Variants in TMEM132C observed in about 807,000 individuals in gnomAD.
TMEM132C encodes the protein protein phosphatase 1, regulatory subunit 152.
In TMEM132C, 29 loss-of-function variants were observed where a neutral mutation model predicts 61.4. The ratio of observed to expected loss-of-function variants is 0.47; its 90% CI spans 0.35 to 0.64. The LOEUF (loss-of-function observed/expected upper bound fraction) is 0.64. Among genes scored for constraint, TMEM132C ranks in the 30% least tolerant of loss-of-function variants. TMEM132C has a pLI of 0.00. For missense variants in TMEM132C, 1,408 were observed against 1,476.9 expected (o/e 0.95, Z 0.76); for synonymous variants, 656 against 633.1 (o/e 1.04, Z -0.54).
At chr12:128,456,366 C>CTCTTTTTTTTTTTTTTTTTTTTT in intron 2 of TMEM132C, among the ~76,000 whole-genome samples, 1 of 52,498 alleles carries the variant, frequency 1.9e-5, no homozygotes, top group East Asian at 6.1e-4. Context: ...TCTGATTAGC[C>CTCTTTTTTTTTTTTTTTTTTTTT]TTTTTTTTTT....
Position 128,624,529 on chromosome 12 carries a change from G to A in TMEM132C, c.1305+8194G>A, listed in dbSNP as rs568769841. Among the ~76,000 whole-genome samples the A allele has an allele frequency of 6.1e-5, 8 of 132,044 alleles. No homozygotes were observed. The East Asian group carries it at 1.9e-3, about 31-fold the overall frequency. 86.6% of individuals were successfully genotyped at this position (132,044 alleles called of 152,430 possible). A position where few individuals can be genotyped will look rare whatever the true frequency, so the allele number is the denominator to read the frequency against. On this transcript the variant is annotated intron_variant, in intron 4 of 8. Coordinates refer to ENST00000435159, the MANE Select transcript of TMEM132C (RefSeq NM_001136103.3). ...ATTGCACTCCAACCTGGGTGATAGA[G>A]TGAGACTCCATCTCAAAAAAAAAAA...
At chr12:128,494,401 A>C (rs376242625) in intron 2 of TMEM132C, among the ~76,000 whole-genome samples, 1 of 152,102 alleles carries the variant, frequency 6.6e-6, no homozygotes, top group Non-Finnish European at 1.5e-5. Flanking sequence ...TCTATTGATT[A>C]GAATAGTTTC....
At chr12:128,390,334 G>A (rs73436680) in intron 1 of TMEM132C, among the ~76,000 whole-genome samples, 13,098 of 152,214 alleles carry the variant, frequency 0.086, 1,814 homozygotes, top group African/African-American at 0.29. Flanking sequence ...TGGCAGCTCC[G>A]GAGGCAAATG....
intron 2 of TMEM132C, among the ~76,000 whole-genome samples, chr12:128,510,695 GA>G (rs1872539384): frequency 6.6e-6 from 1 of 152,210 alleles, no homozygotes; most frequent in East Asian, 1.9e-4. Flanking sequence ...AGTTACCAGA[GA>G]GGAAATAAGC....
At chr12:128,648,571 A>G (rs539673990) in intron 4 of TMEM132C, among the ~76,000 whole-genome samples, 2 of 147,880 alleles carry the variant, frequency 1.4e-5, no homozygotes, top group East Asian at 4.1e-4. Context: ...TGTTTACTGG[A>G]GTCCATCAGC....
chr12:128,524,385 C>G (rs1382808704), intron 2 of TMEM132C, among the ~76,000 whole-genome samples: 3 of 152,178 alleles, frequency 2.0e-5, no homozygotes, highest in African/African-American at 7.2e-5. Flanking sequence ...AGGAGCTGTC[C>G]CTTGCCATCA....
chr12:128,655,145 A>G (rs1954311861), intron 4 of TMEM132C, among the ~76,000 whole-genome samples: 1 of 152,210 alleles, frequency 6.6e-6, no homozygotes, highest in Non-Finnish European at 1.5e-5. Context: ...GCCGGGAGGC[A>G]GCGTGGTCAG....
At chr12:128,615,160 G>T (rs1305239317) in intron 3 of TMEM132C, among the ~76,000 whole-genome samples, 1 of 152,144 alleles carries the variant, frequency 6.6e-6, no homozygotes, top group Non-Finnish European at 1.5e-5. Context: ...AGGCCTCTCA[G>T]CCCCTATAGC....
Position 128,705,384 on chromosome 12 carries a change from T to A in TMEM132C, c.2416T>A (p.Ser806Thr). ...CAAGTTCGGACAGAACGATGCTGACTCCAGCCCCGGCGGGGACTATGAGGA... is the reference window on the plus strand; with the variant it reads ...CAAGTTCGGACAGAACGATGCTGACACCAGCCCCGGCGGGGACTATGAGGA... ...RVKFGQNDAD[S>T]SPGGDYEEDE... Residue 806 changes from serine to threonine, a missense_variant, in exon 9 of 9, where the codon TCC becomes ACC. By Grantham distance (58) the Ser-to-Thr change is moderately conservative. Coordinates refer to ENST00000435159, the MANE Select transcript of TMEM132C (RefSeq NM_001136103.3). 6.4e-7 allele frequency: 1 copy of A among 1,551,288 alleles called. No homozygotes were observed. The highest frequency in any genetic ancestry group is 8.7e-7 in the Non-Finnish European group (1 of 1,146,980).
chr12:128,688,551 C>A (rs1954695246), intron 5 of TMEM132C, among the ~76,000 whole-genome samples: 1 of 152,172 alleles, frequency 6.6e-6, no homozygotes, highest in Non-Finnish European at 1.5e-5. Flanking sequence ...CTGTGACTCA[C>A]ATGAACGTGC....
At chr12:128,416,317 T>G (rs1426601598) in intron 2 of TMEM132C, among the ~76,000 whole-genome samples, 2 of 152,188 alleles carry the variant, frequency 1.3e-5, no homozygotes, top group Non-Finnish European at 2.9e-5. Flanking sequence ...TTCTAGAATT[T>G]GGTACAGGAG....
intron 4 of TMEM132C, among the ~76,000 whole-genome samples, chr12:128,645,529 C>T (rs1954189721): frequency 6.6e-6 from 1 of 152,196 alleles, no homozygotes; most frequent in Non-Finnish European, 1.5e-5. Context: ...CAAATCCTCA[C>T]TTGATGAAAG....
chr12:128,387,591 C>T (rs1000765068), intron 1 of TMEM132C, among the ~76,000 whole-genome samples: 13 of 152,160 alleles, frequency 8.5e-5, no homozygotes, highest in African/African-American at 2.7e-4. Flanking sequence ...GCGGGTGGAT[C>T]ACGAGGTCAG....
intron 2 of TMEM132C, among the ~76,000 whole-genome samples, chr12:128,520,393 A>C (rs1196105517): frequency 2.0e-5 from 3 of 152,242 alleles, no homozygotes; most frequent in African/African-American, 4.8e-5. Flanking sequence ...ATGTGAGCAA[A>C]AGAGATGTGT....
At chr12:128,534,587 T>C (rs1001691878) in intron 2 of TMEM132C, among the ~76,000 whole-genome samples, 4 of 152,216 alleles carry the variant, frequency 2.6e-5, no homozygotes, top group African/African-American at 9.6e-5. Flanking sequence ...GGCCTCACAC[T>C]GCCACTGGCC....
chr12:128,445,159 CT>C (rs368307314), intron 2 of TMEM132C, among the ~76,000 whole-genome samples: 1 of 150,448 alleles, frequency 6.6e-6, no homozygotes, highest in Admixed American at 6.7e-5. Flanking sequence ...AAATTGTCGA[CT>C]TTTTTTCTTT....
chr12:128,533,939 A>G (rs1179731087), intron 2 of TMEM132C, among the ~76,000 whole-genome samples: 1 of 128,748 alleles, frequency 7.8e-6, no homozygotes, highest in African/African-American at 2.8e-5. Context: ...CTCCTCACAC[A>G]TGCGCACATA....
At chr12:128,298,058 T>C (rs1037606232) in intron 1 of TMEM132C, among the ~76,000 whole-genome samples, 4 of 152,238 alleles carry the variant, frequency 2.6e-5, no homozygotes, top group Non-Finnish European at 2.9e-5. Flanking sequence ...GCTATGAATG[T>C]AGCTTTAAAG....
chr12:128,428,679 C>T (rs115522316), intron 2 of TMEM132C, among the ~76,000 whole-genome samples: 368 of 152,264 alleles, frequency 2.4e-3, no homozygotes, highest in African/African-American at 8.2e-3. Flanking sequence ...GTTCATGTCA[C>T]GTGCAGGAAG....
Sources: gnomAD v4.1 joint callset for allele counts (sites outside exome capture counted in the v4.1 genomes callset) on GRCh38, gnomAD v4.1.1 for gene constraint, MANE v1.5 for transcripts, NCBI Gene and HGNC (gene_info 2026-07-23, HGNC 2026-07-21) for gene names.